The following WDSUB1 variants were observed in gnomAD, a reference collection of about 807,000 sequenced individuals.
WDSUB1 encodes WD repeat, SAM and U-box domain-containing protein 1.
A neutral mutation model predicts 53.9 loss-of-function variants in WDSUB1; 49 were observed. The ratio of observed to expected loss-of-function variants is 0.91; its 90% confidence interval spans 0.72 to 1.15. The LOEUF is 1.15. Among genes scored for constraint, WDSUB1 ranks in the 50% most tolerant of loss-of-function variants. The pLI, the probability that WDSUB1 is intolerant of heterozygous loss-of-function variation, is 0.00. For synonymous variants in WDSUB1, 194 were observed against 200.6 expected (o/e 0.97, Z 0.28); for missense variants, 514 against 562.0 (o/e 0.91, Z 0.86).
At chr2:159,252,353 A>G (rs10200992) in intron 9 of WDSUB1, among the ~76,000 whole-genome samples, 76,507 of 151,962 alleles carry the variant, frequency 0.5, 19,998 homozygotes, top group Non-Finnish European at 0.55. Flanking sequence ...ACAAAACAAG[A>G]TAGCAAGATA....
At chr2:159,250,049 A>G (rs527659244) in intron 9 of WDSUB1, among the ~76,000 whole-genome samples, 1 of 149,248 alleles carries the variant, frequency 6.7e-6, no homozygotes, top group Non-Finnish European at 1.5e-5. Context: ...AGATGGCGCC[A>G]CTGCATTCCA....
chr2:159,282,517 A>G (rs1427672484), intron 2 of WDSUB1, among the ~76,000 whole-genome samples, 155 bp downstream of exon 2: 1 of 152,144 alleles, frequency 6.6e-6, no homozygotes, highest in Non-Finnish European at 1.5e-5. Context: ...TCCTTGTGCT[A>G]CCTGAAAACT....
At chr2:159,242,746 T>C (rs949576710) in intron 10 of WDSUB1, among the ~76,000 whole-genome samples, 8 of 148,122 alleles carry the variant, frequency 5.4e-5, no homozygotes, top group Non-Finnish European at 8.8e-5. Flanking sequence ...CTAAACCGTA[T>C]CATTGCTACA....
rs80152301 is a variant in WDSUB1, at chr2:159,279,260, C to T, written c.583+501G>A. ...GTACCTATTTAAAACCAAGAGACTA[C>T]ATTCAGGAGTTCTGTTTATTTCTAA... On this transcript the variant is annotated intron_variant, in intron 3 of 10. Transcript: ENST00000359774. Among the ~76,000 whole-genome samples, 227 of 152,320 alleles carry T rather than the reference C, an allele frequency of 1.5e-3. 3 individuals are homozygous for T. The East Asian group carries it at 0.016, about 11-fold the overall frequency.
chr2:159,261,929 T>TA (rs2061237654), intron 5 of WDSUB1, among the ~76,000 whole-genome samples: 1 of 108,472 alleles, frequency 9.2e-6, no homozygotes, highest in South Asian at 3.5e-4. Context: ...TTTTTTTTTT[T>TA]AAATAAATGA....
intron 5 of WDSUB1, among the ~76,000 whole-genome samples, chr2:159,261,880 ATATATATATATATATATTTTTTTTTTTTT>A (rs1179824899): frequency 0.01 from 199 of 19,074 alleles, 6 homozygotes; most frequent in Non-Finnish European, 0.013. Flanking sequence ...ATATATATAT[ATATATATATATATATATTTTTTTTTTTTT>A]TTTTTTTTTT....
intron 9 of WDSUB1, among the ~76,000 whole-genome samples, chr2:159,249,734 GACATAA>G (rs1486765861): frequency 2.0e-5 from 3 of 151,812 alleles, no homozygotes; most frequent in Non-Finnish European, 4.4e-5. Flanking sequence ...CCTCAGCTGT[GACATAA>G]ACATAAACCA....
At chr2:159,236,321 AC>A in intron 10 of WDSUB1, 131 bp from the exon 11 acceptor site, 3 of 887,676 alleles carry the variant, frequency 3.4e-6, no homozygotes, top group Non-Finnish European at 5.0e-6. Context: ...TCTTGCTTGT[AC>A]CAGCACCCCC....
chr2:159,240,006 G>A (rs1337720879), intron 10 of WDSUB1, among the ~76,000 whole-genome samples: 1 of 152,088 alleles, frequency 6.6e-6, no homozygotes, highest in Non-Finnish European at 1.5e-5. Context: ...TGTGGTTCTT[G>A]GTATATTTCA....
At chr2:159,257,654 C>T in intron 8 of WDSUB1, 104 bp downstream of exon 8, 1 of 962,506 alleles carries the variant, frequency 1.0e-6, no homozygotes, top group South Asian at 1.5e-5. Flanking sequence ...TCCCAAAGTG[C>T]TGGGATTACA....
intron 1 of WDSUB1, among the ~76,000 whole-genome samples, chr2:159,286,208 C>G (rs935177272): frequency 2.0e-5 from 3 of 152,156 alleles, no homozygotes; most frequent in African/African-American, 7.2e-5. Context: ...CAAAGCAAAC[C>G]CGAAAGGTGT....
chr2:159,237,713 T>C (rs577392541), intron 10 of WDSUB1, among the ~76,000 whole-genome samples: 2 of 68,606 alleles, frequency 2.9e-5, no homozygotes, highest in South Asian at 6.6e-4. Context: ...TTTTGCAACT[T>C]GGTGTGTTTA....
At chr2:159,266,461 T>C (rs1157199271) in intron 5 of WDSUB1, among the ~76,000 whole-genome samples, 2 of 152,228 alleles carry the variant, frequency 1.3e-5, no homozygotes, top group Non-Finnish European at 2.9e-5. Flanking sequence ...GTGCTGGGAT[T>C]ACAGGCGTGA....
At chr2:159,261,626 A>G (rs552197650) in intron 5 of WDSUB1, among the ~76,000 whole-genome samples, 1 of 152,000 alleles carries the variant, frequency 6.6e-6, no homozygotes, top group East Asian at 1.9e-4. Context: ...ACACAACTAA[A>G]GAGTGATGTC....
At chr2:159,246,916 C>T (rs1164081915) in intron 10 of WDSUB1, among the ~76,000 whole-genome samples, 2 of 152,164 alleles carry the variant, frequency 1.3e-5, no homozygotes, top group Non-Finnish European at 2.9e-5. Context: ...TTGGTATCTG[C>T]CTCATGGATG....
intron 10 of WDSUB1, among the ~76,000 whole-genome samples, chr2:159,238,195 T>C (rs2060539127): frequency 6.6e-6 from 1 of 152,114 alleles, no homozygotes; most frequent in African/African-American, 2.4e-5. Context: ...AGGTTGTCCT[T>C]AAGATTTCAT....
At chr2:159,273,737 C>G (rs558626320) in intron 4 of WDSUB1, among the ~76,000 whole-genome samples, 84 of 152,288 alleles carry the variant, frequency 5.5e-4, no homozygotes, top group African/African-American at 1.9e-3. Context: ...AAGTTTTTAA[C>G]TGCACGTTTA....
intron 10 of WDSUB1, among the ~76,000 whole-genome samples, chr2:159,247,391 T>TA (rs1184641945): frequency 1.3e-5 from 2 of 151,990 alleles, no homozygotes; most frequent in Non-Finnish European, 2.9e-5. Context: ...AACTACCATG[T>TA]AAAAAAAATT....
intron 8 of WDSUB1, among the ~76,000 whole-genome samples, chr2:159,256,711 A>G (rs959259128): frequency 6.6e-6 from 1 of 152,168 alleles, no homozygotes; most frequent in Non-Finnish European, 1.5e-5. Context: ...AAGGTATTCT[A>G]TTTGCTCCAT....
Sources: gnomAD v4.1 joint callset for allele counts (sites outside exome capture counted in the v4.1 genomes callset) on GRCh38, gnomAD v4.1.1 for gene constraint, MANE v1.5 for transcripts, NCBI Gene and HGNC (gene_info 2026-07-23, HGNC 2026-07-21) for gene names.